Variants in WWOX observed in about 807,000 individuals in gnomAD.
WWOX encodes WW domain-containing oxidoreductase.
Under a neutral mutation model 46.2 loss-of-function variants are expected in WWOX, and 69 were observed. The observed-to-expected ratio is 1.49, with a 90% CI of 1.23 to 1.82. The LOEUF (loss-of-function observed/expected upper bound fraction) is 1.82, where lower values mean the gene tolerates loss of function less well. Ranked by LOEUF, WWOX falls within the 40% of genes most tolerant of loss-of-function variation. The pLI, the probability that WWOX is intolerant of heterozygous loss-of-function variation, is 0.00. For missense variants in WWOX, 919 were observed against 542.6 expected (o/e 1.69, Z -6.89); for synonymous variants, 359 against 202.6 (o/e 1.77, Z -6.56).
intron 8 of WWOX, among the ~76,000 whole-genome samples, chr16:79,145,926 A>AT (rs1337624514): frequency 3.3e-5 from 5 of 152,200 alleles, no homozygotes; most frequent in Admixed American, 3.3e-4. Context: ...ATTGAAAGGA[A>AT]TTTTTTGAAA....
chr16:79,179,643 A>T (rs1004300081), intron 8 of WWOX, among the ~76,000 whole-genome samples: 1 of 152,082 alleles, frequency 6.6e-6, no homozygotes, highest in African/African-American at 2.4e-5. Context: ...CTTCCCTTCC[A>T]TTGTATTTGA....
At chr16:79,055,327 A>C (rs1026978345) in intron 8 of WWOX, among the ~76,000 whole-genome samples, 1 of 152,152 alleles carries the variant, frequency 6.6e-6, no homozygotes, top group Non-Finnish European at 1.5e-5. Context: ...TACTCATCTC[A>C]TTGAGAGATA....
At chr16:78,922,216 A>T (rs549123110) in intron 8 of WWOX, among the ~76,000 whole-genome samples, 1 of 152,124 alleles carries the variant, frequency 6.6e-6, no homozygotes, top group South Asian at 2.1e-4. Context: ...TACCCTAAGC[A>T]ATATTGTTGG....
At chr16:78,382,484 A>C (rs1199169396) in intron 5 of WWOX, among the ~76,000 whole-genome samples, 1 of 152,162 alleles carries the variant, frequency 6.6e-6, no homozygotes, top group Non-Finnish European at 1.5e-5. Context: ...GGTTATTCTA[A>C]TTAATGGAGA....
At chr16:78,923,165 G>C (rs1277662987) in intron 8 of WWOX, among the ~76,000 whole-genome samples, 2 of 151,832 alleles carry the variant, frequency 1.3e-5, no homozygotes, top group Non-Finnish European at 2.9e-5. Context: ...ATTTTTAGTA[G>C]AGACGGGGTT....
At chr16:79,175,256 G>T (rs2050778172) in intron 8 of WWOX, among the ~76,000 whole-genome samples, 1 of 152,200 alleles carries the variant, frequency 6.6e-6, no homozygotes, top group African/African-American at 2.4e-5. Context: ...GTGATGAAAT[G>T]TTACAGATCA....
In WWOX at chr16:78,760,136, G is replaced by A. The variant is rs139837901; in HGVS notation, c.1056+327384G>A. Reference sequence around the variant, plus strand: ...TCCATGTGGCTAGGGTGGGTGCACAGTCATGGCGGAAGGCAAAAGGCACAT... The same window carrying A: ...TCCATGTGGCTAGGGTGGGTGCACAATCATGGCGGAAGGCAAAAGGCACAT... On this transcript the variant is annotated intron_variant, in intron 8 of 8. Coordinates refer to ENST00000566780, the MANE Select transcript of WWOX (RefSeq NM_016373.4). Among the ~76,000 whole-genome samples, 516 of 152,284 alleles carry A rather than the reference G, an allele frequency of 3.4e-3. 5 individuals carry two copies. The highest frequency in any genetic ancestry group is 0.017 in the Middle Eastern group (5 of 294).
chr16:78,868,943 G>A (rs112323216), intron 8 of WWOX, among the ~76,000 whole-genome samples: 6 of 151,914 alleles, frequency 3.9e-5, no homozygotes, highest in East Asian at 1.9e-4. Flanking sequence ...GCGTGCAAAC[G>A]TCCATACACA....
chr16:78,370,130 CAAAAAAA>C (rs749015478), intron 5 of WWOX, among the ~76,000 whole-genome samples: 1 of 76,108 alleles, frequency 1.3e-5, no homozygotes, highest in East Asian at 3.9e-4. Flanking sequence ...AGACTGTCTC[CAAAAAAA>C]AAAAAAAAAA....
chr16:78,105,347 A>G (rs1273580342), intron 1 of WWOX, among the ~76,000 whole-genome samples: 1 of 152,000 alleles, frequency 6.6e-6, no homozygotes, highest in Non-Finnish European at 1.5e-5. Flanking sequence ...CTGTAATCCT[A>G]GCTACTCAGG....
At chr16:78,770,802 TC>T (rs1332099736) in intron 8 of WWOX, among the ~76,000 whole-genome samples, 1 of 7,338 alleles carries the variant, frequency 1.4e-4, no homozygotes, top group Non-Finnish European at 6.5e-4. Context: ...GGGAAACTCT[TC>T]TTTCCTCCCA....
intron 6 of WWOX, among the ~76,000 whole-genome samples, chr16:78,415,157 G>C (rs181828906): frequency 1.3e-5 from 2 of 150,820 alleles, no homozygotes; most frequent in Non-Finnish European, 3.0e-5. Flanking sequence ...TTACTCATGA[G>C]TTTTCACGGA....
At chr16:78,752,906 C>T (rs1426310687) in intron 8 of WWOX, among the ~76,000 whole-genome samples, 1 of 152,208 alleles carries the variant, frequency 6.6e-6, no homozygotes, top group East Asian at 1.9e-4. Flanking sequence ...CTGGGTGCCA[C>T]CAGCAGCAAC....
At chr16:78,142,761 G>C (rs1240653023) in intron 4 of WWOX, among the ~76,000 whole-genome samples, 1 of 151,772 alleles carries the variant, frequency 6.6e-6, no homozygotes, top group African/African-American at 2.4e-5. Context: ...TCTGAGCAAA[G>C]ATGTTCAAAT....
intron 8 of WWOX, among the ~76,000 whole-genome samples, chr16:78,635,530 G>A (rs988260924): frequency 6.6e-6 from 1 of 152,152 alleles, no homozygotes; most frequent in African/African-American, 2.4e-5. Context: ...TCTGGCGGGT[G>A]GGGAGGGCAG....
At chr16:79,138,623 A>C (rs907655906) in intron 8 of WWOX, among the ~76,000 whole-genome samples, 1 of 152,128 alleles carries the variant, frequency 6.6e-6, no homozygotes, top group Non-Finnish European at 1.5e-5. Context: ...CCAGGGATGC[A>C]CCTTTTTAAC....
chr16:78,118,076 G>A (rs541830748), intron 4 of WWOX, among the ~76,000 whole-genome samples: 23 of 148,884 alleles, frequency 1.5e-4, no homozygotes, highest in Non-Finnish European at 2.8e-4. Flanking sequence ...ATATGACGCT[G>A]CTTTGTTGGA....
chr16:78,315,911 A>G (rs895138273), intron 5 of WWOX, among the ~76,000 whole-genome samples: 1 of 152,076 alleles, frequency 6.6e-6, no homozygotes, highest in Non-Finnish European at 1.5e-5. Flanking sequence ...CCTCGTGTTG[A>G]ATATTTATCA....
At chr16:78,627,975 C>T (rs2046347623) in intron 8 of WWOX, among the ~76,000 whole-genome samples, 1 of 152,204 alleles carries the variant, frequency 6.6e-6, no homozygotes, top group Non-Finnish European at 1.5e-5. Flanking sequence ...GACAAACTGG[C>T]ATTTGTCCTT....
Sources: gnomAD v4.1 joint callset for allele counts (sites outside exome capture counted in the v4.1 genomes callset) on GRCh38, gnomAD v4.1.1 for gene constraint, MANE v1.5 for transcripts, NCBI Gene and HGNC (gene_info 2026-07-23, HGNC 2026-07-21) for gene names.